ASB15: variants seen among roughly 807,000 people sequenced by gnomAD.
ASB15 encodes ankyrin repeat and SOCS box protein 15.
A neutral mutation model predicts 58.0 loss-of-function variants in ASB15; 54 were observed. The observed-to-expected ratio is 0.93, with a 90% CI of 0.75 to 1.17. The LOEUF is 1.17. ASB15 is among the 50% of genes most tolerant of loss of function. The pLI is 0.00. For missense variants in ASB15, 680 were observed against 707.4 expected, an observed-to-expected ratio of 0.96 and a Z score of 0.44; for synonymous variants, 249 against 262.4, an observed-to-expected ratio of 0.95 and a Z score of 0.50.
At chr7:123,594,608 A>G (rs1285771039) in intron 1 of ASB15, among the ~76,000 whole-genome samples, 2 of 152,174 alleles carry the variant, frequency 1.3e-5, no homozygotes, top group African/African-American at 4.8e-5. Flanking sequence ...TATCACCAGC[A>G]GAAGCTGCAG....
intron 1 of ASB15, among the ~76,000 whole-genome samples, chr7:123,586,364 T>C (rs1003865064): frequency 2.0e-5 from 3 of 151,894 alleles, no homozygotes; most frequent in Non-Finnish European, 4.4e-5. Context: ...TGTTGGACAC[T>C]TGTATATCTT....
chr7:123,623,930 GAAAAGAAAGAAAGAAAGAAAGAAA>G (rs1801542687), intron 7 of ASB15, among the ~76,000 whole-genome samples: 37 of 35,400 alleles, frequency 1.0e-3, no homozygotes, highest in African/African-American at 2.6e-3. Context: ...AAGAAAGAAA[GAAAAGAAAGAAAGAAAGAAAGAAA>G]GAAAGAAAGA....
chr7:123,614,494 T>C lies in ASB15; in HGVS notation c.-2-7T>C, dbSNP rs1800674965. 2 of 1,535,136 alleles carry C rather than the reference T, an allele frequency of 1.3e-6. No homozygotes were observed. The highest frequency in any genetic ancestry group is 1.8e-6 in the Non-Finnish European group (2 of 1,111,218). On this transcript the variant is annotated splice_polypyrimidine_tract_variant and splice_region_variant and intron_variant, in intron 3 of 11. Coordinates refer to ENST00000451215, the MANE Select transcript of ASB15 (RefSeq NM_001290258.2). ...TAAGAACTTGTCTCGTTCAAAATTA[T>C]ATGCAGGAATGGATACTAATGATGA...
intron 1 of ASB15, chr7:123,585,114 G>A (rs551953562): frequency 1.3e-5 from 2 of 151,652 alleles, no homozygotes; most frequent in African/African-American, 2.4e-5. Context: ...ACCAATATAC[G>A]TATGTGTTAG....
rs4731112 is a variant in ASB15 at position 123,629,064 on chromosome 7, G to C, written c.1070G>C (p.Gly357Ala). 0.71 allele frequency: 1,142,202 copies of C among 1,613,140 alleles called. 406,795 individuals carry two copies. Among genetic ancestry groups the C allele is most frequent in the East Asian group, 0.83 (37,001 of 44,836 alleles). Reference protein sequence around the residue: ...DDERKTALYFGVSNNDVHCTE... With the variant: ...DDERKTALYFAVSNNDVHCTE... Reference sequence around the variant, plus strand: ...GAGAGGAAGACTGCGCTGTATTTTGGCGTTTCTAATAATGACGTTCATTGC... The same window carrying C: ...GAGAGGAAGACTGCGCTGTATTTTGCCGTTTCTAATAATGACGTTCATTGC... The change falls in exon 10 of 12, where the codon GGC becomes GCC. Residue 357 changes from glycine to alanine, a missense_variant. Coordinates refer to ENST00000451215, the MANE Select transcript of ASB15 (RefSeq NM_001290258.2).
Position 123,581,821 on chromosome 7 carries a change from A to G in ASB15, c.-443+14733A>G, listed in dbSNP as rs1212654144. 2.0e-5 allele frequency among the ~76,000 whole-genome samples: 3 copies of G among 151,980 alleles called. 1 individual carries two copies. Among genetic ancestry groups the G allele is most frequent in the Admixed American group, 1.3e-4 (2 of 15,236 alleles). Reference sequence around the variant, plus strand: ...ATTTTCTCCCTTTTTGTCACTCCCAAGACTGTCAAGTTTTGAGGAAAAGAC... The same window carrying G: ...ATTTTCTCCCTTTTTGTCACTCCCAGGACTGTCAAGTTTTGAGGAAAAGAC... On this transcript the variant is annotated intron_variant, in intron 1 of 13. Coordinates refer to the ASB15 transcript ENST00000451558.
chr7:123,578,444 C>T (rs1325423580), intron 1 of ASB15, among the ~76,000 whole-genome samples: 1 of 151,826 alleles, frequency 6.6e-6, no homozygotes, highest in Non-Finnish European at 1.5e-5. Context: ...ACCCCTCTTT[C>T]CTCCTTCTAC....
intron 8 of ASB15, among the ~76,000 whole-genome samples, chr7:123,625,802 C>T (rs1801732516): frequency 6.6e-6 from 1 of 152,198 alleles, no homozygotes; most frequent in African/African-American, 2.4e-5. Context: ...TCCTCATCTG[C>T]AAATGACCTC....
At chr7:123,583,284 C>A (rs1562911003) in intron 1 of ASB15, among the ~76,000 whole-genome samples, 2 of 151,970 alleles carry the variant, frequency 1.3e-5, no homozygotes, top group Non-Finnish European at 1.5e-5. Context: ...TAAAACTGAA[C>A]AGGAAATCAG....
In ASB15 at chr7:123,616,250, A is replaced by C; in HGVS notation, c.137A>C (p.Lys46Thr). The C allele has an allele frequency of 6.2e-7, 1 of 1,608,444 alleles. No individual in the cohort carries two copies. The highest frequency in any genetic ancestry group is 8.5e-7 in the Non-Finnish European group (1 of 1,174,988). Residue 46 changes from lysine to threonine, a missense_variant, in exon 5 of 12, where the codon AAA becomes ACA. Lys to Thr is a moderately conservative substitution (Grantham distance 78). Transcript: ENST00000451215. ...RFVPLSAQNR[K>T]LVEAIKQGHI... is the part of the protein sequence containing the mutation. ...GTACCCCTAAGTGCTCAAAACAGAAAACTTGTGGAGGCCATAAAACAAGGT... is the reference window on the plus strand; with the variant it reads ...GTACCCCTAAGTGCTCAAAACAGAACACTTGTGGAGGCCATAAAACAAGGT...
intron 1 of ASB15, among the ~76,000 whole-genome samples, chr7:123,589,769 A>C (rs1799481983): frequency 6.6e-6 from 1 of 152,044 alleles, no homozygotes. Flanking sequence ...GAAGAGGGCC[A>C]CAATAAACAT....
chr7:123,582,465 A>G (rs1376816324), intron 1 of ASB15, among the ~76,000 whole-genome samples: 3 of 152,124 alleles, frequency 2.0e-5, no homozygotes, highest in East Asian at 1.9e-4. Context: ...ACTCCAGTAT[A>G]TAGTTCAGTA....
chr7:123,628,882 C>T lies in ASB15; in HGVS notation c.888C>T (p.Ile296=). Residue 296 remains isoleucine, a synonymous_variant, in exon 10 of 12, where the codon ATC becomes ATT. Transcript: ENST00000451215. ...CTTTTAGTGCACTGAAATATCTTAT[C>T]CCAGTAACATCTAAAAATGCAATTC... is the stretch of plus-strand genomic sequence containing the variant. ...EGHYLALKYL[I]PVTSKNAIRK... is the part of the protein sequence containing the mutation. 1 of 1,545,434 alleles carries T rather than the reference C, an allele frequency of 6.5e-7. No individual in the cohort carries two copies. Among genetic ancestry groups the T allele is most frequent in the Non-Finnish European group, 8.7e-7 (1 of 1,147,302 alleles).
chr7:123,594,884 C>A (rs924290271), intron 1 of ASB15, among the ~76,000 whole-genome samples: 68 of 152,298 alleles, frequency 4.5e-4, no homozygotes, highest in African/African-American at 1.6e-3. Context: ...ATAGGCCCTG[C>A]CCCCAGAGGT....
Position 123,624,791 on chromosome 7 carries a change from T to C in ASB15, c.674T>C (p.Val225Ala). ...GVAAEYGHCD[V>A]LEHLIHKGGD... ...GCTGCCGAGTATGGTCACTGTGACG[T>C]GTTAGAACATCTAATCCACAAAGGT... The change falls in exon 8 of 12, where the codon GTG (valine) becomes GCG (alanine). Residue 225 changes from valine (V) to alanine (A), a missense_variant. By Grantham distance (64) the Val-to-Ala change is moderately conservative. Coordinates refer to ENST00000451215, the MANE Select transcript of ASB15 (RefSeq NM_001290258.2). 1.2e-6 allele frequency: 2 copies of C among 1,614,082 alleles called. No homozygotes were observed. Among genetic ancestry groups the C allele is most frequent in the Non-Finnish European group, 1.7e-6 (2 of 1,179,968 alleles).
At chr7:123,592,392 G>T (rs898611847) in intron 1 of ASB15, among the ~76,000 whole-genome samples, 2 of 152,102 alleles carry the variant, frequency 1.3e-5, no homozygotes, top group Non-Finnish European at 2.9e-5. Context: ...GATTATTTTA[G>T]ATCTTTCCTG....
At chr7:123,617,761 CT>C in intron 7 of ASB15, 24 bp downstream of exon 7, 1 of 1,577,142 alleles carries the variant, frequency 6.3e-7, no homozygotes, top group Non-Finnish European at 8.7e-7. Context: ...TTTTCTAGAA[CT>C]TTTATAGTTT....
chr7:123,599,897 A>G (rs1220038879), upstream of ASB15, among the ~76,000 whole-genome samples: 3 of 152,168 alleles, frequency 2.0e-5, no homozygotes, highest in Non-Finnish European at 4.4e-5. Flanking sequence ...TCACCAGACA[A>G]AACTAGAGGC....
At chr7:123,634,959 C>T (rs558231210) in intron 11 of ASB15, among the ~76,000 whole-genome samples, 3 of 152,124 alleles carry the variant, frequency 2.0e-5, no homozygotes, top group African/African-American at 7.2e-5. Flanking sequence ...TGGAACTGCA[C>T]CATGGAAATG....
Sources: gnomAD v4.1 joint callset for allele counts (sites outside exome capture counted in the v4.1 genomes callset) on GRCh38, gnomAD v4.1.1 for gene constraint, MANE v1.5 for transcripts, NCBI Gene and HGNC (gene_info 2026-07-23, HGNC 2026-07-21) for gene names.